Variants in ST7 observed in about 807,000 individuals in gnomAD.
The protein encoded by ST7 is suppression of tumorigenicity 7.
ST7 carries 28 observed loss-of-function variants against 78.7 expected under a neutral mutation model. The ratio of observed to expected loss-of-function variants is 0.36; its 90% CI spans 0.26 to 0.49. The LOEUF (loss-of-function observed/expected upper bound fraction) is 0.49. ST7 is among the 20% of genes least tolerant of loss of function. ST7 has a pLI of 0.99. For synonymous variants in ST7, 247 were observed against 249.6 expected (o/e 0.99, Z 0.10); for missense variants, 418 against 696.0 (o/e 0.60, Z 4.49).
chr7:117,116,234 A>T (rs138199174), intron 2 of ST7, among the ~76,000 whole-genome samples: 88 of 152,342 alleles, frequency 5.8e-4, no homozygotes, highest in South Asian at 1.5e-3. Context: ...ATGCATATTT[A>T]TATTTTAATT....
At chr7:117,087,120 G>C (rs1475220434) in intron 1 of ST7, among the ~76,000 whole-genome samples, 1 of 152,118 alleles carries the variant, frequency 6.6e-6, no homozygotes, top group East Asian at 1.9e-4. Flanking sequence ...ATAATGAAAA[G>C]AAAAACCTAA....
At chr7:117,166,246 A>C (rs1316756249) in intron 9 of ST7, among the ~76,000 whole-genome samples, 1 of 152,148 alleles carries the variant, frequency 6.6e-6, no homozygotes, top group South Asian at 2.1e-4. Context: ...GCATAGGCTC[A>C]TAAGAAAAGC....
chr7:117,222,009 C>T lies in ST7; in HGVS notation c.1585C>T (p.Leu529=). Residue 529 remains leucine, a synonymous_variant, in exon 15 of 16, where the codon CTG becomes TTG. Coordinates refer to ENST00000323984, the MANE Select transcript of ST7 (RefSeq NM_001369598.1). ...TAGLCSFTAM[L]ALLTHQFPEL... is the part of the protein sequence containing the mutation. The stretch of plus-strand genomic sequence containing the variant: ...TGGATTATGTTCCTTCACAGCCATG[C>T]TGGCCCTCCTGACACATCAGTTCCC... The T allele has an allele frequency of 1.2e-6, 2 of 1,612,920 alleles. No homozygotes were observed. The highest frequency in any genetic ancestry group is 1.7e-6 in the Non-Finnish European group (2 of 1,179,544).
intron 1 of ST7, among the ~76,000 whole-genome samples, chr7:116,989,195 A>C (rs970097506): frequency 6.6e-6 from 1 of 152,212 alleles, no homozygotes; most frequent in Non-Finnish European, 1.5e-5. Context: ...TGTTTTTGGT[A>C]TTGAGTCTGA....
intron 12 of ST7, among the ~76,000 whole-genome samples, chr7:117,200,532 C>G (rs991816166): frequency 3.9e-5 from 6 of 152,238 alleles, no homozygotes; most frequent in African/African-American, 1.4e-4. Flanking sequence ...GCCCCAAATC[C>G]CAGAACCAGT....
chr7:117,114,342 A>G (rs1802677179), intron 2 of ST7, among the ~76,000 whole-genome samples: 2 of 152,042 alleles, frequency 1.3e-5, no homozygotes, highest in Non-Finnish European at 2.9e-5. Flanking sequence ...TGTTACAGGT[A>G]TTACTGTAAC....
chr7:117,154,087 C>T (rs1382416277), intron 9 of ST7, among the ~76,000 whole-genome samples: 2 of 152,166 alleles, frequency 1.3e-5, no homozygotes, highest in Non-Finnish European at 2.9e-5. Flanking sequence ...TGTTTGTATT[C>T]TCCCCAAATT....
At chr7:117,103,456 A>G (rs1047957290) in intron 2 of ST7, among the ~76,000 whole-genome samples, 1 of 152,262 alleles carries the variant, frequency 6.6e-6, no homozygotes, top group Admixed American at 6.5e-5. Flanking sequence ...ACAAATTTAC[A>G]GTCAACTCAT....
At position 117,111,013 on chromosome 7, in the gene ST7, G is replaced by A. The variant is rs140198336; in HGVS notation, c.235-8548G>A. ...CATTTTGAAAGGTCTCTCTCAAAAT[G>A]CTGGTCTGTAGTGAGAGCTAAATAA... On this transcript the variant is annotated intron_variant, in intron 2 of 15. Transcript: ENST00000323984. Among the ~76,000 whole-genome samples the A allele has an allele frequency of 6.9e-3, 1,053 of 152,320 alleles. 7 individuals are homozygous for A. Among genetic ancestry groups the A allele is most frequent in the Non-Finnish European group, 0.01 (684 of 68,024 alleles).
At chr7:117,226,927 G>A (rs934943801) in intron 15 of ST7, among the ~76,000 whole-genome samples, 1 of 152,210 alleles carries the variant, frequency 6.6e-6, no homozygotes, top group African/African-American at 2.4e-5. Context: ...ACCTTGTTGA[G>A]AAGGGCAGGT....
rs762476993 is a variant in ST7, at chr7:117,099,856, A to T, written c.234+12A>T. 5.0e-6 allele frequency: 8 copies of T among 1,604,168 alleles called. No individual in the cohort carries two copies. In the South Asian group the frequency reaches 8.9e-5, roughly 18 times the overall value. On this transcript the variant is annotated intron_variant, in intron 2 of 15. Transcript: ENST00000323984. Reference sequence around the variant, plus strand: ...CAGGGCTTATTTTGGTAAGTGGTGGAGTCCTTCTCATTTAAAAACATGCTG... The same window carrying T: ...CAGGGCTTATTTTGGTAAGTGGTGGTGTCCTTCTCATTTAAAAACATGCTG...
At chr7:117,181,156 T>C (rs1259083491) in intron 10 of ST7, among the ~76,000 whole-genome samples, 19 of 152,188 alleles carry the variant, frequency 1.2e-4, no homozygotes, top group Non-Finnish European at 1.0e-4. Flanking sequence ...TAAGGAAATA[T>C]AAATGATTAA....
chr7:117,157,839 T>C (rs971971463), intron 9 of ST7, among the ~76,000 whole-genome samples: 1 of 152,188 alleles, frequency 6.6e-6, no homozygotes, highest in African/African-American at 2.4e-5. Flanking sequence ...ATTCAAAATA[T>C]GCATCAAATT....
chr7:117,076,091 A>G (rs974420093), intron 1 of ST7, among the ~76,000 whole-genome samples: 2 of 152,118 alleles, frequency 1.3e-5, no homozygotes, highest in Non-Finnish European at 2.9e-5. Context: ...AGTCAGGGAG[A>G]TGGATTTGAG....
intron 1 of ST7, among the ~76,000 whole-genome samples, chr7:116,989,258 T>G (rs1424088435): frequency 2.0e-5 from 3 of 152,226 alleles, no homozygotes; most frequent in African/African-American, 7.2e-5. Context: ...ATTGGCCACA[T>G]TTCAAGTGCT....
At chr7:116,978,690 G>A (rs1014861838) in intron 1 of ST7, among the ~76,000 whole-genome samples, 1 of 152,092 alleles carries the variant, frequency 6.6e-6, no homozygotes, top group African/African-American at 2.4e-5. Flanking sequence ...AGGTTCAAGC[G>A]ATTCTCGTGC....
At chr7:117,141,489 T>C (rs916786462) in intron 9 of ST7, among the ~76,000 whole-genome samples, 1 of 152,190 alleles carries the variant, frequency 6.6e-6, no homozygotes, top group Non-Finnish European at 1.5e-5. Context: ...ACTTCTCATT[T>C]TTTAAAGCAA....
intron 3 of ST7, among the ~76,000 whole-genome samples, chr7:117,127,377 G>A (rs1342398653): frequency 1.3e-5 from 2 of 151,760 alleles, no homozygotes; most frequent in African/African-American, 4.8e-5. Context: ...TTGAGTTTTT[G>A]CAGACAAGAT....
At chr7:117,140,377 T>C (rs1805177895) in intron 9 of ST7, among the ~76,000 whole-genome samples, 1 of 152,212 alleles carries the variant, frequency 6.6e-6, no homozygotes, top group South Asian at 2.1e-4. Context: ...ATACCTTTTA[T>C]GTGCTTTTCA....
Sources: gnomAD v4.1 joint callset for allele counts (sites outside exome capture counted in the v4.1 genomes callset) on GRCh38, gnomAD v4.1.1 for gene constraint, MANE v1.5 for transcripts, NCBI Gene and HGNC (gene_info 2026-07-23, HGNC 2026-07-21) for gene names.